MYRIP: variants seen among roughly 807,000 people sequenced by gnomAD.
The protein encoded by MYRIP is myosin VIIA and Rab interacting protein.
A neutral mutation model predicts 98.0 loss-of-function variants in MYRIP; 49 were observed. That is an observed-to-expected ratio of 0.50 (90% CI 0.40 to 0.63). MYRIP has a LOEUF of 0.63. Ranked by LOEUF, MYRIP falls within the 30% of genes least tolerant of loss-of-function variation. The probability of loss-of-function intolerance (pLI) is 0.00; values close to 1 mark genes in which losing one functional copy is unlikely to be tolerated. For synonymous variants in MYRIP, 404 were observed against 409.5 expected, an observed-to-expected ratio of 0.99 and a Z score of 0.16; for missense variants, 1,004 against 1,058.2, an observed-to-expected ratio of 0.95 and a Z score of 0.71.
intron 2 of MYRIP, among the ~76,000 whole-genome samples, chr3:40,021,895 A>G (rs1559564022): frequency 6.6e-6 from 1 of 152,188 alleles, no homozygotes; most frequent in African/African-American, 2.4e-5. Context: ...GTCATCATAT[A>G]TGTCTGAATA....
At chr3:40,169,434 C>T (rs566623140) in intron 7 of MYRIP, among the ~76,000 whole-genome samples, 8 of 152,300 alleles carry the variant, frequency 5.3e-5, no homozygotes, top group South Asian at 2.1e-4. Context: ...ACTGTGCAAA[C>T]GAGCTGGATT....
intron 2 of MYRIP, among the ~76,000 whole-genome samples, chr3:39,936,773 C>T (rs1223381764): frequency 6.6e-6 from 1 of 152,152 alleles, no homozygotes; most frequent in East Asian, 1.9e-4. Flanking sequence ...TAATTACTCT[C>T]TTGAGGACTT....
intron 2 of MYRIP, among the ~76,000 whole-genome samples, chr3:40,000,784 A>T (rs1305525788): frequency 6.6e-6 from 1 of 152,176 alleles, no homozygotes; most frequent in Non-Finnish European, 1.5e-5. Context: ...TGGCCCTGGG[A>T]AGCCCACAGC....
chr3:40,050,471 A>G (rs1041936354), intron 3 of MYRIP, among the ~76,000 whole-genome samples: 2 of 152,118 alleles, frequency 1.3e-5, no homozygotes, highest in African/African-American at 4.8e-5. Flanking sequence ...AGAAAAAAAA[A>G]AAGATTCCTT....
intron 1 of MYRIP, among the ~76,000 whole-genome samples, chr3:39,823,536 A>G (rs1371482940): frequency 2.6e-5 from 4 of 152,268 alleles, no homozygotes; most frequent in South Asian, 4.2e-4. Flanking sequence ...TCTTTTTGAT[A>G]ATAGCCATCC....
intron 1 of MYRIP, among the ~76,000 whole-genome samples, chr3:39,828,708 A>G (rs1941346284): frequency 6.6e-6 from 1 of 152,138 alleles, no homozygotes. Context: ...TAGCTCCCAC[A>G]TATCAATGAG....
intron 1 of MYRIP, among the ~76,000 whole-genome samples, chr3:39,887,221 C>A (rs1444959436): frequency 6.6e-6 from 1 of 151,686 alleles, no homozygotes; most frequent in South Asian, 2.1e-4. Flanking sequence ...GCACTAAATG[C>A]CCACAAGAGA....
chr3:40,204,026 TATATATTA>T (rs1291593944), intron 10 of MYRIP, among the ~76,000 whole-genome samples: 3 of 6,776 alleles, frequency 4.4e-4, no homozygotes, highest in African/African-American at 7.0e-4. Context: ...ATATATATTA[TATATATTA>T]TATATTATAT....
intron 2 of MYRIP, among the ~76,000 whole-genome samples, chr3:40,018,509 G>A (rs562712279): frequency 6.6e-6 from 1 of 152,214 alleles, no homozygotes; most frequent in Admixed American, 6.5e-5. Flanking sequence ...TATGGGTTAT[G>A]CAGACCAAAG....
chr3:39,893,531 CATTT>C (rs1400491689), intron 1 of MYRIP, among the ~76,000 whole-genome samples: 2 of 151,888 alleles, frequency 1.3e-5, no homozygotes. Flanking sequence ...ATGATAATAA[CATTT>C]ATTTTCATTA....
At chr3:40,239,751 GTTGT>G (rs1451222189) in intron 12 of MYRIP, among the ~76,000 whole-genome samples, 2 of 136,814 alleles carry the variant, frequency 1.5e-5, no homozygotes, top group African/African-American at 2.8e-5. Context: ...TTTTGATGGG[GTTGT>G]TTGTTTTTTT....
intron 2 of MYRIP, among the ~76,000 whole-genome samples, chr3:40,004,798 A>G (rs938391650): frequency 2.6e-5 from 4 of 152,162 alleles, no homozygotes; most frequent in African/African-American, 7.2e-5. Flanking sequence ...GGTTGCTGTG[A>G]ATGCCGTTTC....
intron 3 of MYRIP, among the ~76,000 whole-genome samples, chr3:40,128,719 A>G (rs1304666072): frequency 6.6e-6 from 1 of 152,158 alleles, no homozygotes; most frequent in Non-Finnish European, 1.5e-5. Context: ...GCATACACAA[A>G]CCAAAGCAAA....
At chr3:40,126,198 A>C (rs1488038032) in intron 3 of MYRIP, among the ~76,000 whole-genome samples, 1 of 152,148 alleles carries the variant, frequency 6.6e-6, no homozygotes, top group Non-Finnish European at 1.5e-5. Context: ...ATCACCTGAG[A>C]AGTTATCTGA....
At chr3:40,002,673 C>T (rs1005374243) in intron 2 of MYRIP, among the ~76,000 whole-genome samples, 3 of 152,008 alleles carry the variant, frequency 2.0e-5, no homozygotes, top group Admixed American at 1.3e-4. Context: ...ATGAGCAGCC[C>T]GAGGTATGTT....
At chr3:40,111,161 G>A (rs1381152526) in intron 3 of MYRIP, among the ~76,000 whole-genome samples, 1 of 151,998 alleles carries the variant, frequency 6.6e-6, no homozygotes, top group Non-Finnish European at 1.5e-5. Flanking sequence ...CAGGGCTACA[G>A]ACAAGCCCCC....
intron 2 of MYRIP, among the ~76,000 whole-genome samples, chr3:39,909,628 C>T (rs909495167): frequency 3.9e-5 from 6 of 152,020 alleles, no homozygotes. Flanking sequence ...TTGATTTGAC[C>T]CTTGAAGATG....
chr3:39,967,316 AC>A (rs1945465885), intron 2 of MYRIP, among the ~76,000 whole-genome samples: 1 of 152,046 alleles, frequency 6.6e-6, no homozygotes, highest in Admixed American at 6.6e-5. Context: ...ATCACTTAGC[AC>A]CCATTCATAA....
intron 13 of MYRIP, among the ~76,000 whole-genome samples, chr3:40,245,835 C>A (rs548936803): frequency 3.1e-4 from 45 of 145,590 alleles, no homozygotes; most frequent in Non-Finnish European, 5.6e-4. Context: ...GCAACATTCA[C>A]CTCCCTGGTT....
Sources: gnomAD v4.1 joint callset for allele counts (sites outside exome capture counted in the v4.1 genomes callset) on GRCh38, gnomAD v4.1.1 for gene constraint, MANE v1.5 for transcripts, NCBI Gene and HGNC (gene_info 2026-07-23, HGNC 2026-07-21) for gene names.